The following ANKHD1 variants were observed in gnomAD, a reference collection of about 807,000 sequenced individuals.
The protein encoded by ANKHD1 is ankyrin repeat and KH domain-containing protein 1.
ANKHD1 carries 31 observed loss-of-function variants against 230.5 expected under a neutral mutation model. The observed-to-expected ratio is 0.13, with a 90% CI of 0.10 to 0.18. The LOEUF is 0.18. Among genes scored for constraint, ANKHD1 ranks in the 10% least tolerant of loss-of-function variants. The probability of loss-of-function intolerance (pLI) is 1.00; values close to 1 mark genes in which losing one functional copy is unlikely to be tolerated. For synonymous variants in ANKHD1, 1,074 were observed against 1,117.6 expected (o/e 0.96, Z 0.78); for missense variants, 2,256 against 3,071.3 (o/e 0.73, Z 6.27).
At chr5:140,491,767 A>G (rs1012621674) in intron 14 of ANKHD1, among the ~76,000 whole-genome samples, 1 of 152,140 alleles carries the variant, frequency 6.6e-6, no homozygotes, top group African/African-American at 2.4e-5. Flanking sequence ...CTCCCCACTT[A>G]GACTGTAAGC....
In ANKHD1 at chr5:140,471,554, G is replaced by A. The variant is rs538144124; in HGVS notation, c.1782+6778G>A. 4.1e-4 allele frequency among the ~76,000 whole-genome samples: 63 copies of A among 152,274 alleles called. No homozygotes were observed. The South Asian group carries it at 0.013, about 31-fold the overall frequency. On this transcript the variant is annotated intron_variant, in intron 10 of 33. Transcript: ENST00000360839. ...AGGAGCATGCACTTTCTTAGGATAA[G>A]CACATCACATAGGTAGGAAATTGGA...
rs61758137 is a variant in ANKHD1, at chr5:140,496,898, A to G, written c.2624A>G (p.His875Arg). Residue 875 changes from histidine (H) to arginine (R), a missense_variant, in exon 15 of 34, where the codon CAT (histidine) becomes CGT (arginine). Coordinates refer to ENST00000360839, the MANE Select transcript of ANKHD1 (RefSeq NM_017747.3). ...GTGTCTCTACACCAACAGTGCTCTC[A>G]TAGAGGAGTCTTCCCAGAAGGGGAA... Reference protein sequence around the residue: ...DTVSLHQQCSHRGVFPEGEGD... With the variant: ...DTVSLHQQCSRRGVFPEGEGD... 5.1e-5 allele frequency: 83 copies of G among 1,614,022 alleles called. No homozygotes were observed. Among genetic ancestry groups the G allele is most frequent in the Non-Finnish European group, 6.8e-5 (80 of 1,179,974 alleles).
At chr5:140,463,826 T>TTTTG (rs934735666) in intron 9 of ANKHD1, among the ~76,000 whole-genome samples, 10 of 151,948 alleles carry the variant, frequency 6.6e-5, no homozygotes, top group South Asian at 2.1e-4. Context: ...TGGCTAATTT[T>TTTTG]TTTGTTTGTT....
intron 10 of ANKHD1, among the ~76,000 whole-genome samples, chr5:140,477,917 T>C (rs1434295696): frequency 1.3e-5 from 2 of 152,060 alleles, no homozygotes; most frequent in Non-Finnish European, 2.9e-5. Context: ...GCCAGGAAAA[T>C]ACTTTTATAA....
At chr5:140,440,632 T>C (rs1301319507) in intron 4 of ANKHD1, among the ~76,000 whole-genome samples, 5 of 152,252 alleles carry the variant, frequency 3.3e-5, no homozygotes, top group Non-Finnish European at 7.3e-5. Context: ...TTTCCTTCTA[T>C]GTTAGAACAG....
At chr5:140,409,031 G>A (rs934369276) in intron 1 of ANKHD1, among the ~76,000 whole-genome samples, 1 of 152,160 alleles carries the variant, frequency 6.6e-6, no homozygotes, top group Non-Finnish European at 1.5e-5. Context: ...AGTAGAACCC[G>A]ATTATGATAG....
chr5:140,414,493 T>C (rs145563046), intron 1 of ANKHD1, among the ~76,000 whole-genome samples: 18 of 152,208 alleles, frequency 1.2e-4, no homozygotes. Context: ...CATTTCTGTA[T>C]CTTTGGTGAA....
At position 140,539,515 on chromosome 5, in the gene ANKHD1, GAGGCTTT is replaced by G. The variant is rs746281420; in HGVS notation, c.*100_*106del. 3 of 1,369,174 alleles carry G rather than the reference GAGGCTTT, an allele frequency of 2.2e-6. No individual in the cohort carries two copies. The highest frequency in any genetic ancestry group is 3.0e-6 in the Non-Finnish European group (3 of 993,282). 84.8% of individuals were successfully genotyped at this position (1,369,174 alleles called of 1,614,324 possible). On this transcript the variant is annotated 3_prime_UTR_variant, in exon 34 of 34. Transcript: ENST00000360839. ...TTAATGTGCCTAAGAAATTTTCTCT[GAGGCTTT>G]AGCAATGGAAATTTGATTGCCCATT...
intron 4 of ANKHD1, 137 bp downstream of exon 4, chr5:140,440,403 G>C: frequency 7.7e-7 from 1 of 1,292,200 alleles, no homozygotes. Context: ...TTTTGGTAGT[G>C]GGTAAAGTAG....
chr5:140,440,301 G>T (rs564246533), intron 4 of ANKHD1, 35 bp downstream of exon 4: 1 of 1,587,082 alleles, frequency 6.3e-7, no homozygotes, highest in East Asian at 2.3e-5. Context: ...TTAAAATTGT[G>T]GAAGGGTTTT....
intron 24 of ANKHD1, among the ~76,000 whole-genome samples, chr5:140,523,371 G>T (rs1753448321): frequency 6.6e-6 from 1 of 151,796 alleles, no homozygotes; most frequent in South Asian, 2.1e-4. Context: ...GTCTCCCAAA[G>T]TGCTTGTATT....
chr5:140,461,355 T>C (rs1270842800), intron 9 of ANKHD1, among the ~76,000 whole-genome samples: 1 of 152,220 alleles, frequency 6.6e-6, no homozygotes, highest in African/African-American at 2.4e-5. Context: ...GTAGAAACTA[T>C]CTCAGGGTTT....
In ANKHD1 at chr5:140,445,865, C is replaced by G. The variant is rs1774242028; in HGVS notation, c.1037C>G (p.Ala346Gly). 1 of 1,613,642 alleles carries G rather than the reference C, an allele frequency of 6.2e-7. No homozygotes were observed. The highest frequency in any genetic ancestry group is 1.3e-5 in the African/African-American group (1 of 75,026). The part of the protein sequence containing the change: ...ENGHTPLMEA[A>G]SAGHVEVARV... Reference sequence around the variant, plus strand: ...GGACATACTCCCTTAATGGAAGCAGCCAGTGCAGGTCATGTGGAAGTTGCA... The same window carrying G: ...GGACATACTCCCTTAATGGAAGCAGGCAGTGCAGGTCATGTGGAAGTTGCA... The change falls in exon 6 of 34, where the codon GCC becomes GGC. Residue 346 changes from alanine to glycine, a missense_variant. This residue lies in a region of ANKHD1 where 206 missense variants were observed against 304.5 expected (regional missense o/e 0.68). Coordinates refer to ENST00000360839, the MANE Select transcript of ANKHD1 (RefSeq NM_017747.3).
intron 7 of ANKHD1, among the ~76,000 whole-genome samples, chr5:140,452,156 G>A (rs1363582100): frequency 1.3e-5 from 2 of 152,128 alleles, no homozygotes; most frequent in African/African-American, 2.4e-5. Context: ...ACTGCAAGGC[G>A]GCAGCCAGGC....
At chr5:140,520,471 C>A (rs1753279421) in intron 24 of ANKHD1, among the ~76,000 whole-genome samples, 1 of 152,074 alleles carries the variant, frequency 6.6e-6, no homozygotes. Context: ...TATAAAGACA[C>A]ATGCACACGT....
chr5:140,426,520 A>AT lies in ANKHD1; in HGVS notation c.307-9581dup, dbSNP rs879607293. 2.6e-3 allele frequency among the ~76,000 whole-genome samples: 393 copies of AT among 151,820 alleles called. 1 individual carries two copies. The highest frequency in any genetic ancestry group is 0.014 in the Middle Eastern group (4 of 294). ...AACTTTTTTATTTATTTATTTATTT[A>AT]TTTATTTATTTTTTTATTGATCATT... On this transcript the variant is annotated intron_variant, in intron 1 of 33. Transcript: ENST00000360839.
In ANKHD1 at chr5:140,504,877, C is replaced by T; in HGVS notation, c.3061C>T (p.Leu1021Phe). 6.2e-7 allele frequency: 1 copy of T among 1,614,188 alleles called. No homozygotes were observed. The highest frequency in any genetic ancestry group is 8.5e-7 in the Non-Finnish European group (1 of 1,180,032). The change falls in exon 16 of 34, where the codon CTT (leucine) becomes TTT (phenylalanine). Residue 1021 changes from leucine to phenylalanine, a missense_variant. This residue lies in a region of ANKHD1 where 358 missense variants were observed against 397.7 expected (regional missense o/e 0.90). Transcript: ENST00000360839. ...CAGTTCTTCTCAGACCACAGAGTGTCTTACACCTGAATCCTGTTCGCAGAC... is the reference window on the plus strand; with the variant it reads ...CAGTTCTTCTCAGACCACAGAGTGTTTTACACCTGAATCCTGTTCGCAGAC... Reference protein sequence around the residue: ...SNSSSQTTECLTPESCSQTTS... With the variant: ...SNSSSQTTECFTPESCSQTTS...
At chr5:140,536,383 C>T (rs1433770125) in intron 30 of ANKHD1, among the ~76,000 whole-genome samples, 1 of 152,240 alleles carries the variant, frequency 6.6e-6, no homozygotes, top group Non-Finnish European at 1.5e-5. Context: ...CGTGAGCCAC[C>T]TGCCTGACCC....
intron 7 of ANKHD1, among the ~76,000 whole-genome samples, chr5:140,450,926 G>T (rs1444885170): frequency 6.6e-6 from 1 of 152,082 alleles, no homozygotes; most frequent in East Asian, 1.9e-4. Flanking sequence ...GCTGAGGCGG[G>T]TGGATCACTT....
Sources: allele counts gnomAD v4.1 joint callset (sites outside exome capture counted in the v4.1 genomes callset), GRCh38; gene constraint gnomAD v4.1.1; regional missense constraint gnomAD v4.1.1; transcripts MANE v1.5; gene names NCBI Gene and HGNC (gene_info 2026-07-23, HGNC 2026-07-21).